AGMAT: variants seen among roughly 807,000 people sequenced by gnomAD.
The protein encoded by AGMAT is guanidino acid hydrolase, mitochondrial.
In AGMAT, 37 loss-of-function variants were observed where a neutral mutation model predicts 29.3. The ratio of observed to expected loss-of-function variants is 1.26; its 90% CI spans 0.97 to 1.66. The LOEUF is 1.66. Among genes scored for constraint, AGMAT ranks in the 40% most tolerant of loss-of-function variants. The pLI, the probability that AGMAT is intolerant of heterozygous loss-of-function variation, is 0.00. For synonymous variants in AGMAT, 199 were observed against 200.8 expected, an observed-to-expected ratio of 0.99 and a Z score of 0.08; for missense variants, 498 against 497.8, an observed-to-expected ratio of 1.00 and a Z score of 0.00.
chr1:15,584,804 C>A lies in AGMAT; in HGVS notation c.164G>T (p.Gly55Val). The A allele has an allele frequency of 7.1e-7, 1 of 1,401,006 alleles. No homozygotes were observed. The highest frequency in any genetic ancestry group is 9.3e-7 in the Non-Finnish European group (1 of 1,080,372). The allele number at this position is 1,401,006 out of a possible 1,614,324, so 86.8% of individuals were successfully genotyped here. Residue 55 changes from glycine (G) to valine (V), a missense_variant, in exon 1 of 7, where the codon GGC becomes GTC. Gly to Val is a moderately radical substitution (Grantham distance 109, BLOSUM62 -3). Coordinates refer to ENST00000375826, the MANE Select transcript of AGMAT (RefSeq NM_024758.5). ...CGGCAGGCGCATCATGGAGCAGACGCCCACCGGCCGGGCCACGAACTCGGG... is the reference window on the plus strand; with the variant it reads ...CGGCAGGCGCATCATGGAGCAGACGACCACCGGCCGGGCCACGAACTCGGG... The part of the protein sequence containing the change: ...PSPEFVARPV[G>V]VCSMMRLPVQ...
At chr1:15,581,759 C>A (rs1185462531) in intron 2 of AGMAT, among the ~76,000 whole-genome samples, 2 of 151,892 alleles carry the variant, frequency 1.3e-5, no homozygotes, top group South Asian at 4.2e-4. Flanking sequence ...CCTGTAATCC[C>A]AGCTATTCAG....
intron 5 of AGMAT, 62 bp from the exon 6 acceptor site, chr1:15,574,903 T>C (rs1639015551): frequency 1.5e-6 from 2 of 1,377,234 alleles, no homozygotes; most frequent in Non-Finnish European, 2.1e-6. Context: ...AAGCACCCAG[T>C]AGAGCTTTTC....
intron 2 of AGMAT, among the ~76,000 whole-genome samples, chr1:15,581,736 G>A (rs1393139818): frequency 6.6e-6 from 1 of 151,884 alleles, no homozygotes; most frequent in Non-Finnish European, 1.5e-5. Context: ...TTAGCTGGGC[G>A]TGGTGGCACG....
rs560322313 is a variant in AGMAT, at chr1:15,572,146, GA to G, written c.*1504del. 1.2e-3 allele frequency among the ~76,000 whole-genome samples: 75 copies of G among 63,752 alleles called. No individual in the cohort carries two copies. Among genetic ancestry groups the G allele is most frequent in the East Asian group, 4.4e-3 (7 of 1,600 alleles). The allele number at this position is 63,752 out of a possible 152,430, so 41.8% of individuals were successfully genotyped here. A position where few individuals can be genotyped will look rare whatever the true frequency, so the allele number is the denominator to read the frequency against. On this transcript the variant is annotated 3_prime_UTR_variant, in exon 7 of 7. Transcript: ENST00000375826. ...GGGGACAGAGCGAGACTCCATCTCA[GA>G]AAAAAAAAAAAAAAAAAAAGCCCAG... is the stretch of plus-strand genomic sequence containing the variant.
Position 15,579,009 on chromosome 1 carries a change from C to A in AGMAT, c.570G>T (p.Thr190=). The change falls in exon 4 of 7, where the codon ACG becomes ACT. Residue 190 remains threonine, a synonymous_variant. Transcript: ENST00000375826. ...GCTTCTCTCCTAGGGCCTTGTCGGT[C>A]GTGTCCGTGTGCGCATCCACGTGCA... ...GLLHVDAHTD[T]TDKALGEKLY... The A allele has an allele frequency of 6.2e-7, 1 of 1,614,098 alleles. No homozygotes were observed. Among genetic ancestry groups the A allele is most frequent in the Non-Finnish European group, 8.5e-7 (1 of 1,180,012 alleles).
intron 5 of AGMAT, chr1:15,575,431 A>T (rs1224684115): frequency 6.5e-6 from 1 of 152,714 alleles, no homozygotes; most frequent in Non-Finnish European, 1.5e-5. Flanking sequence ...TTCAAGAGAG[A>T]GAGTTATGGC....
At position 15,583,319 on chromosome 1, in the gene AGMAT, G is replaced by C. The variant is rs1262336706; in HGVS notation, c.349C>G (p.Gln117Glu). 6.2e-7 allele frequency: 1 copy of C among 1,614,162 alleles called. No homozygotes were observed. Among genetic ancestry groups the C allele is most frequent in the Non-Finnish European group, 8.5e-7 (1 of 1,180,020 alleles). ...VNPSTGALPF[Q>E]SLMVADLGDV... Reference sequence around the variant, plus strand: ...CCTAGGTCTGCAACCATGAGGGACTGGAAGGGGAGGGCCCCCGTGCTAGGA... The same window carrying C: ...CCTAGGTCTGCAACCATGAGGGACTCGAAGGGGAGGGCCCCCGTGCTAGGA... The change falls in exon 2 of 7, where the codon CAG (glutamine) becomes GAG (glutamate). Residue 117 changes from glutamine to glutamate, a missense_variant. Gln to Glu is a conservative substitution (Grantham distance 29, BLOSUM62 2). Transcript: ENST00000375826.
chr1:15,584,950 C>G lies in AGMAT; in HGVS notation c.18G>C (p.Ala6=). The change falls in exon 1 of 7, where the codon GCG becomes GCC. Residue 6 remains alanine (A), a synonymous_variant. Transcript: ENST00000375826. MLRLL[A]SGCARGPGPG... ...GCCCCGGGCCCCGGGCGCACCCGGA[C>G]GCCAGCAGCCTCAGCATTGCCGCGC... 1 of 1,355,614 alleles carries G rather than the reference C, an allele frequency of 7.4e-7. No homozygotes were observed. The highest frequency in any genetic ancestry group is 9.4e-7 in the Non-Finnish European group (1 of 1,062,934). The allele number at this position is 1,355,614 out of a possible 1,614,324, so 84.0% of individuals were successfully genotyped here. A position where few individuals can be genotyped will look rare whatever the true frequency, so the allele number is the denominator to read the frequency against.
chr1:15,584,945 C>T lies in AGMAT; in HGVS notation c.23G>A (p.Gly8Glu). The T allele has an allele frequency of 7.3e-7, 1 of 1,363,050 alleles. No homozygotes were observed. The highest frequency in any genetic ancestry group is 1.8e-5 in the South Asian group (1 of 55,924). 84.4% of individuals were successfully genotyped at this position (1,363,050 alleles called of 1,614,324 possible). The stretch of plus-strand genomic sequence containing the variant: ...GCCGGGCCCCGGGCCCCGGGCGCAC[C>T]CGGACGCCAGCAGCCTCAGCATTGC... MLRLLAS[G>E]CARGPGPGVG... The change falls in exon 1 of 7, where the codon GGG (glycine) becomes GAG (glutamate). Residue 8 changes from glycine to glutamate, a missense_variant. Physicochemically the swap from Gly to Glu is moderately conservative, Grantham distance 98. Transcript: ENST00000375826.
At chr1:15,576,737 G>GTTTTTTTTT (rs1420717123) in intron 5 of AGMAT, among the ~76,000 whole-genome samples, 1 of 31,586 alleles carries the variant, frequency 3.2e-5, no homozygotes, top group Non-Finnish European at 6.5e-5. Context: ...CAAGTTTAGT[G>GTTTTTTTTT]TTCTTTTTTT....
chr1:15,578,099 A>G (rs897878202), intron 4 of AGMAT, among the ~76,000 whole-genome samples: 3 of 152,228 alleles, frequency 2.0e-5, no homozygotes, highest in Non-Finnish European at 4.4e-5. Context: ...CAAGAGTGGG[A>G]AACAGCAGCT....
Position 15,573,410 on chromosome 1 carries a change from G to T in AGMAT, c.*241C>A. ...CTTTATCCTCCATCTTTCATCAAAG[G>T]AAAAAAAATCAAAGCAGTACAAGTA... is the stretch of plus-strand genomic sequence containing the variant. On this transcript the variant is annotated 3_prime_UTR_variant, in exon 7 of 7. Coordinates refer to ENST00000375826, the MANE Select transcript of AGMAT (RefSeq NM_024758.5). 1 of 414,234 alleles carries T rather than the reference G, an allele frequency of 2.4e-6. No homozygotes were observed. Among genetic ancestry groups the T allele is most frequent in the Non-Finnish European group, 4.4e-6 (1 of 227,182 alleles). 25.7% of individuals were successfully genotyped at this position (414,234 alleles called of 1,614,324 possible).
chr1:15,577,660 A>C (rs750722289), intron 5 of AGMAT, 25 bp downstream of exon 5: 6 of 1,593,370 alleles, frequency 3.8e-6, no homozygotes, highest in Non-Finnish European at 4.3e-6. Flanking sequence ...CACCCCCAGG[A>C]TCTTCACTGG....
chr1:15,581,975 A>G (rs1012476981), intron 2 of AGMAT, among the ~76,000 whole-genome samples: 4 of 152,156 alleles, frequency 2.6e-5, no homozygotes, highest in African/African-American at 9.7e-5. Context: ...AGCTTCAGAT[A>G]TGCCATGCAT....
chr1:15,576,643 T>C (rs968206293), intron 5 of AGMAT, among the ~76,000 whole-genome samples: 8 of 149,732 alleles, frequency 5.3e-5, no homozygotes, highest in African/African-American at 1.5e-4. Context: ...TTGGCTAGGC[T>C]GGTCTCGAAC....
rs562263561 is a variant in AGMAT at position 15,576,789 on chromosome 1, G to A, written c.900+896C>T. Among the ~76,000 whole-genome samples the A allele has an allele frequency of 4.0e-5, 4 of 100,218 alleles. No homozygotes were observed. In the South Asian group the frequency reaches 1.0e-3, roughly 26 times the overall value. The allele number at this position is 100,218 out of a possible 152,430, so 65.7% of individuals were successfully genotyped here. On this transcript the variant is annotated intron_variant, in intron 5 of 6. Coordinates refer to ENST00000375826, the MANE Select transcript of AGMAT (RefSeq NM_024758.5). ...TTTTGAGATGGAGTTTCACTCTTTC[G>A]CCCAGGCCAGACTGCAGTGGTTCTA...
chr1:15,584,485 G>A (rs1052045743), intron 1 of AGMAT, among the ~76,000 whole-genome samples: 5 of 152,106 alleles, frequency 3.3e-5, no homozygotes, highest in Admixed American at 3.3e-4. Context: ...ACTAAGATGT[G>A]GGAGGCCACG....
intron 1 of AGMAT, among the ~76,000 whole-genome samples, chr1:15,584,316 C>CT (rs111795327): frequency 0.63 from 94,126 of 150,050 alleles, 30,619 homozygotes; most frequent in African/African-American, 0.8. Context: ...CTTTTTTTTT[C>CT]TTTTTTTTGT....
intron 2 of AGMAT, among the ~76,000 whole-genome samples, chr1:15,581,828 G>T (rs6688019): frequency 0.65 from 97,556 of 151,024 alleles, 33,019 homozygotes; most frequent in African/African-American, 0.86. Context: ...TGAGCCAAGC[G>T]GGACAACAAG....
Sources: gnomAD v4.1 joint callset for allele counts (sites outside exome capture counted in the v4.1 genomes callset) on GRCh38, gnomAD v4.1.1 for gene constraint, MANE v1.5 for transcripts, NCBI Gene and HGNC (gene_info 2026-07-23, HGNC 2026-07-21) for gene names.